BPIFB4: variants seen among roughly 807,000 people sequenced by gnomAD.
The protein encoded by BPIFB4 is BPI fold containing family B member 4.
BPIFB4 carries 62 observed loss-of-function variants against 69.2 expected under a neutral mutation model. That is an observed-to-expected ratio of 0.90 (90% CI 0.73 to 1.11). BPIFB4 has a LOEUF of 1.11. Ranked by LOEUF, BPIFB4 falls within the 50% of genes least tolerant of loss-of-function variation. The pLI is 0.00. For missense variants in BPIFB4, 789 were observed against 792.0 expected (o/e 1.00, Z 0.04); for synonymous variants, 330 against 332.7 (o/e 0.99, Z 0.09).
At chr20:33,100,521 T>G (rs767915460) in intron 14 of BPIFB4, 28 bp downstream of exon 14, 54 of 1,589,604 alleles carry the variant, frequency 3.4e-5, no homozygotes, top group Non-Finnish European at 4.1e-5. Context: ...CTTGGGGTCC[T>G]GACGGTGCTG....
chr20:33,107,225 G>A (rs1982087250), intron 16 of BPIFB4, among the ~76,000 whole-genome samples: 1 of 141,496 alleles, frequency 7.1e-6, no homozygotes, highest in Non-Finnish European at 1.6e-5. Flanking sequence ...AAAGAAAGAA[G>A]GAAGGAAGGA....
At chr20:33,085,280 C>A (rs1239022243) in intron 6 of BPIFB4, among the ~76,000 whole-genome samples, 4 of 152,158 alleles carry the variant, frequency 2.6e-5, no homozygotes, top group South Asian at 4.2e-4. Flanking sequence ...CATGGTGAAA[C>A]CCCGTCTCTA....
At chr20:33,109,340 GC>G (rs1374622012) in intron 17 of BPIFB4, among the ~76,000 whole-genome samples, 1 of 152,142 alleles carries the variant, frequency 6.6e-6, no homozygotes, top group Admixed American at 6.5e-5. Flanking sequence ...GATGTTCAGT[GC>G]CCCATACATA....
At chr20:33,109,206 G>A (rs901337727) in intron 17 of BPIFB4, among the ~76,000 whole-genome samples, 4 of 152,152 alleles carry the variant, frequency 2.6e-5, no homozygotes, top group Admixed American at 1.3e-4. Flanking sequence ...GAAATTAAAC[G>A]AGATACAGCA....
intron 13 of BPIFB4, 92 bp from the exon 14 acceptor site, chr20:33,100,334 C>G (rs1445301979): frequency 1.8e-6 from 2 of 1,104,008 alleles, no homozygotes; most frequent in Non-Finnish European, 1.3e-6. Flanking sequence ...GTTAACGAAG[C>G]CCTAGCTAGC....
At position 33,111,459 on chromosome 20, in the gene BPIFB4, C is replaced by T; in HGVS notation, c.*22C>T. The T allele has an allele frequency of 1.2e-6, 2 of 1,614,020 alleles. No homozygotes were observed. The highest frequency in any genetic ancestry group is 1.7e-6 in the Non-Finnish European group (2 of 1,179,912). On this transcript the variant is annotated 3_prime_UTR_variant, in exon 18 of 18. Transcript: ENST00000375483. ...ATGAGTGACAGAGGCAGAGATGCTG[C>T]TGCAACTGGAAGAAGCTGGAACCAG...
At chr20:33,084,829 C>G in intron 5 of BPIFB4, 63 bp from the exon 6 acceptor site, 1 of 1,558,504 alleles carries the variant, frequency 6.4e-7, no homozygotes, top group Non-Finnish European at 8.6e-7. Flanking sequence ...TAGGGGAGGG[C>G]GCTCGGGTGA....
chr20:33,103,800 C>T (rs1981971527), intron 15 of BPIFB4, among the ~76,000 whole-genome samples: 1 of 152,222 alleles, frequency 6.6e-6, no homozygotes, highest in Admixed American at 6.5e-5. Context: ...TTGCCAGCTT[C>T]ATTTTATAAG....
intron 5 of BPIFB4, among the ~76,000 whole-genome samples, chr20:33,084,185 C>A (rs1981347892): frequency 1.3e-5 from 2 of 152,076 alleles, no homozygotes; most frequent in Non-Finnish European, 2.9e-5. Context: ...TGGAAAAGAC[C>A]CCAAGGATTT....
chr20:33,088,910 T>C, intron 7 of BPIFB4, 56 bp from the exon 8 acceptor site: 1 of 1,610,930 alleles, frequency 6.2e-7, no homozygotes, highest in Admixed American at 1.7e-5. Flanking sequence ...GTGGACAGCC[T>C]TGGTGAGCCC....
At chr20:33,094,481 A>G (rs1981700197) in intron 11 of BPIFB4, among the ~76,000 whole-genome samples, 1 of 151,302 alleles carries the variant, frequency 6.6e-6, no homozygotes, top group African/African-American at 2.4e-5. Flanking sequence ...ATAAGGAATG[A>G]CATTTGTTTC....
intron 10 of BPIFB4, 125 bp downstream of exon 10, chr20:33,090,924 TAGA>T: frequency 8.7e-7 from 1 of 1,145,092 alleles, no homozygotes; most frequent in Non-Finnish European, 1.2e-6. Context: ...CCCTCTCGAT[TAGA>T]AGAAGGCCTT....
chr20:33,091,738 A>G (rs1248963561), intron 10 of BPIFB4, among the ~76,000 whole-genome samples: 2 of 152,254 alleles, frequency 1.3e-5, no homozygotes, highest in African/African-American at 4.8e-5. Context: ...TGAACAAGAC[A>G]AAGTCTCTGC....
At chr20:33,079,882 C>T (rs1981177762) in intron 1 of BPIFB4, among the ~76,000 whole-genome samples, 179 bp downstream of exon 1, 1 of 152,220 alleles carries the variant, frequency 6.6e-6, no homozygotes, top group Non-Finnish European at 1.5e-5. Flanking sequence ...GCAAAAAGGC[C>T]TGGGTTATGC....
intron 1 of BPIFB4, 134 bp from the exon 2 acceptor site, chr20:33,080,335 C>T (rs1053532196): frequency 8.5e-5 from 13 of 152,056 alleles, no homozygotes; most frequent in Admixed American, 7.2e-4. Flanking sequence ...GATGTGTAGC[C>T]GGGGCTGATG....
intron 3 of BPIFB4, among the ~76,000 whole-genome samples, chr20:33,082,711 G>A (rs1421683905): frequency 6.6e-6 from 1 of 152,200 alleles, no homozygotes; most frequent in Admixed American, 6.5e-5. Flanking sequence ...AGGGCTGGCT[G>A]ATGTCCAAAT....
intron 6 of BPIFB4, 51 bp from the exon 7 acceptor site, chr20:33,085,970 C>G (rs1179479656): frequency 1.9e-6 from 3 of 1,572,206 alleles, no homozygotes; most frequent in African/African-American, 1.3e-5. Context: ...GGGTGAGCTC[C>G]TGGCGGCTGG....
intron 17 of BPIFB4, among the ~76,000 whole-genome samples, 195 bp from the exon 18 acceptor site, chr20:33,111,219 G>A (rs565766879): frequency 1.3e-5 from 2 of 152,152 alleles, no homozygotes; most frequent in African/African-American, 2.4e-5. Context: ...GAAGTGTCTT[G>A]CCCAAGGTCC....
chr20:33,092,540 T>G lies in BPIFB4; in HGVS notation c.1226T>G (p.Leu409Arg). Residue 409 changes from leucine (L) to arginine (R), a missense_variant, in exon 11 of 18, where the codon CTG becomes CGG. Around this residue, in one of 3 missense-constraint regions of BPIFB4, gnomAD observed 611 missense variants for 575.4 expected, o/e 1.06. Coordinates refer to ENST00000375483, the MANE Select transcript of BPIFB4 (RefSeq NM_182519.3). ...GTGTCTCCCAAGCCGATGCCAGAGC[T>G]GCCTCCCATGGGTGACAACACCAAG... Reference protein sequence around the residue: ...PAVSPKPMPELPPMGDNTKSQ... With the variant: ...PAVSPKPMPERPPMGDNTKSQ... The G allele has an allele frequency of 6.2e-7, 1 of 1,614,164 alleles. No individual in the cohort carries two copies. Among genetic ancestry groups the G allele is most frequent in the Non-Finnish European group, 8.5e-7 (1 of 1,180,012 alleles).
Sources: gnomAD v4.1 joint callset for allele counts (sites outside exome capture counted in the v4.1 genomes callset) on GRCh38, gnomAD v4.1.1 for gene constraint, gnomAD v4.1.1 regional missense constraint, MANE v1.5 for transcripts, NCBI Gene and HGNC (gene_info 2026-07-23, HGNC 2026-07-21) for gene names.